Variants in TMEM132C observed in about 807,000 individuals in gnomAD.
TMEM132C encodes the protein protein phosphatase 1, regulatory subunit 152.
In TMEM132C, 29 loss-of-function variants were observed where a neutral mutation model predicts 61.4. That is an observed-to-expected ratio of 0.47 (90% CI 0.35 to 0.64). TMEM132C has a LOEUF of 0.64. TMEM132C is among the 30% of genes least tolerant of loss of function. The pLI is 0.00. For synonymous variants in TMEM132C, 656 were observed against 633.1 expected (o/e 1.04, Z -0.54); for missense variants, 1,408 against 1,476.9 (o/e 0.95, Z 0.76).
In TMEM132C at chr12:128,303,580, G is replaced by T. The variant is rs530593970; in HGVS notation, c.85+36093G>T. Among the ~76,000 whole-genome samples the T allele has an allele frequency of 2.0e-3, 302 of 152,318 alleles. 2 individuals are homozygous for T. Among genetic ancestry groups the T allele is most frequent in the African/African-American group, 6.9e-3 (286 of 41,576 alleles). On this transcript the variant is annotated intron_variant, in intron 1 of 8. Coordinates refer to ENST00000435159, the MANE Select transcript of TMEM132C (RefSeq NM_001136103.3). ...TCCAATTAACAAAGAGCAAAAAGGG[G>T]TGGTAAAATACATCCTGAGCCTTAG... is the stretch of plus-strand genomic sequence containing the variant.
intron 2 of TMEM132C, among the ~76,000 whole-genome samples, chr12:128,423,175 C>T (rs74556428): frequency 0.049 from 7,460 of 152,202 alleles, 612 homozygotes; most frequent in African/African-American, 0.17. Flanking sequence ...AGCGTGCAGT[C>T]TTTAATAGCC....
chr12:128,685,753 A>G (rs60001109), intron 5 of TMEM132C, among the ~76,000 whole-genome samples: 49,806 of 151,246 alleles, frequency 0.33, 8,163 homozygotes, highest in Middle Eastern at 0.37. Context: ...TCTAGGGGTG[A>G]CTGGCTGTGT....
intron 1 of TMEM132C, among the ~76,000 whole-genome samples, chr12:128,301,714 T>A (rs2135918668): frequency 6.6e-6 from 1 of 152,316 alleles, no homozygotes; most frequent in East Asian, 1.9e-4. Context: ...AGAATGGGCT[T>A]CCAGTATTAC....
rs1389915485 is a variant in TMEM132C, at chr12:128,267,399, C to G, written c.-4C>G. On this transcript the variant is annotated 5_prime_UTR_variant, in exon 1 of 9. Transcript: ENST00000435159. ...GCGGGCTGCGTGAGCGGCCGGGACG[C>G]AGGATGCGCTCCGAGGGTGCGGCCC... The G allele has an allele frequency of 1.7e-6, 2 of 1,179,886 alleles. No homozygotes were observed. Among genetic ancestry groups the G allele is most frequent in the Non-Finnish European group, 2.1e-6 (2 of 956,104 alleles). The allele number at this position is 1,179,886 out of a possible 1,614,324, so 73.1% of individuals were successfully genotyped here.
chr12:128,705,324 A>G lies in TMEM132C; in HGVS notation c.2356A>G (p.Ser786Gly). The change falls in exon 9 of 9, where the codon AGC becomes GGC. Residue 786 changes from serine to glycine, a missense_variant. Coordinates refer to ENST00000435159, the MANE Select transcript of TMEM132C (RefSeq NM_001136103.3). ...GGCCTGCCAGAAATCTAAACGCAAG[A>G]GCATCCTGGCTGTGGGCGTCGGCAA... ...AEACQKSKRK[S>G]ILAVGVGNVR... is the part of the protein sequence containing the mutation. 3.9e-6 allele frequency: 6 copies of G among 1,551,420 alleles called. No individual in the cohort carries two copies. The highest frequency in any genetic ancestry group is 5.2e-6 in the Non-Finnish European group (6 of 1,146,840).
chr12:128,372,628 A>AAGATGCTGACAAGATATATTCCT (rs1297237667), intron 1 of TMEM132C, among the ~76,000 whole-genome samples: 2 of 152,200 alleles, frequency 1.3e-5, no homozygotes, highest in Non-Finnish European at 1.5e-5. Flanking sequence ...AAGACTTATC[A>AAGATGCTGACAAGATATATTCCT]AGATGCTGAC....
intron 2 of TMEM132C, among the ~76,000 whole-genome samples, chr12:128,444,890 C>T (rs1295496427): frequency 6.6e-6 from 1 of 152,106 alleles, no homozygotes; most frequent in Non-Finnish European, 1.5e-5. Context: ...GACCAAAGAA[C>T]TCATTAAGAA....
Position 128,459,674 on chromosome 12 carries a change from G to C in TMEM132C, c.974+44054G>C, listed in dbSNP as rs188478269. 4.7e-3 allele frequency among the ~76,000 whole-genome samples: 721 copies of C among 151,876 alleles called. 4 individuals are homozygous for C. Among genetic ancestry groups the C allele is most frequent in the Non-Finnish European group, 8.0e-3 (541 of 67,908 alleles). ...TAGGAGACCAAGGCGGGTGGATCAC[G>C]AGGAATTCAAGACCAGCCTGGCCGA... On this transcript the variant is annotated intron_variant, in intron 2 of 8. Transcript: ENST00000435159.
At chr12:128,287,857 G>A (rs771115170) in intron 1 of TMEM132C, among the ~76,000 whole-genome samples, 3 of 152,002 alleles carry the variant, frequency 2.0e-5, no homozygotes, top group East Asian at 1.9e-4. Context: ...TAACTCTGAC[G>A]TGTTTGAAGA....
At chr12:128,536,307 C>T (rs935079618) in intron 2 of TMEM132C, among the ~76,000 whole-genome samples, 5 of 152,024 alleles carry the variant, frequency 3.3e-5, no homozygotes, top group Admixed American at 1.3e-4. Context: ...AACCAAACAC[C>T]GCATGTTCTC....
At chr12:128,388,557 C>T (rs1388719068) in intron 1 of TMEM132C, among the ~76,000 whole-genome samples, 1 of 152,028 alleles carries the variant, frequency 6.6e-6, no homozygotes, top group African/African-American at 2.4e-5. Flanking sequence ...AGACTGCTTC[C>T]CTGGAGAAGG....
chr12:128,553,994 C>G (rs1184405511), intron 3 of TMEM132C, among the ~76,000 whole-genome samples: 3 of 152,194 alleles, frequency 2.0e-5, no homozygotes, highest in Admixed American at 1.3e-4. Context: ...ATGTGGGAGA[C>G]TTTCACTTTA....
At chr12:128,423,990 T>C (rs1360612548) in intron 2 of TMEM132C, among the ~76,000 whole-genome samples, 1 of 134,688 alleles carries the variant, frequency 7.4e-6, no homozygotes, top group East Asian at 2.2e-4. Flanking sequence ...GAGCTTGCAG[T>C]GAGCCGAGAT....
At chr12:128,476,415 T>C (rs1377026163) in intron 2 of TMEM132C, among the ~76,000 whole-genome samples, 1 of 152,092 alleles carries the variant, frequency 6.6e-6, no homozygotes, top group Non-Finnish European at 1.5e-5. Context: ...GCTTAATGAC[T>C]CCGGGAGGTT....
intron 2 of TMEM132C, among the ~76,000 whole-genome samples, chr12:128,515,400 A>G (rs138382970): frequency 6.6e-6 from 1 of 152,346 alleles, no homozygotes; most frequent in African/African-American, 2.4e-5. Flanking sequence ...AGGATGGCCA[A>G]ATACAAGAAC....
chr12:128,548,794 G>A (rs1348732711), intron 3 of TMEM132C, among the ~76,000 whole-genome samples: 1 of 152,056 alleles, frequency 6.6e-6, no homozygotes, highest in Non-Finnish European at 1.5e-5. Context: ...TACAGACTTT[G>A]GTTTTCCTGT....
chr12:128,652,230 C>T (rs971945428), intron 4 of TMEM132C, among the ~76,000 whole-genome samples: 7 of 152,158 alleles, frequency 4.6e-5, no homozygotes, highest in South Asian at 2.1e-4. Flanking sequence ...ACCCCATCCT[C>T]GTCTGCACAT....
intron 1 of TMEM132C, among the ~76,000 whole-genome samples, chr12:128,407,936 C>T (rs935748982): frequency 2.2e-5 from 3 of 134,140 alleles, no homozygotes; most frequent in Non-Finnish European, 4.8e-5. Context: ...ATCAACAGGT[C>T]TCAATCTCTC....
chr12:128,374,974 G>A (rs1184041701), intron 1 of TMEM132C, among the ~76,000 whole-genome samples: 15 of 74,176 alleles, frequency 2.0e-4, no homozygotes, highest in Non-Finnish European at 6.4e-4. Flanking sequence ...AAGACAGCAG[G>A]GGATGAAAAC....
Sources: gnomAD v4.1 joint callset for allele counts (sites outside exome capture counted in the v4.1 genomes callset) on GRCh38, gnomAD v4.1.1 for gene constraint, MANE v1.5 for transcripts, NCBI Gene and HGNC (gene_info 2026-07-23, HGNC 2026-07-21) for gene names.